The following TUSC3 variants were observed in gnomAD, a reference collection of about 807,000 sequenced individuals.
TUSC3 encodes dolichyl-diphosphooligosaccharide--protein glycosyltransferase subunit TUSC3.
Under a neutral mutation model 44.8 loss-of-function variants are expected in TUSC3, and 45 were observed. The ratio of observed to expected loss-of-function variants is 1.00; its 90% CI spans 0.79 to 1.29. TUSC3 has a LOEUF of 1.29. TUSC3 is among the 50% of genes most tolerant of loss of function. The pLI, the probability that TUSC3 is intolerant of heterozygous loss-of-function variation, is 0.00. For synonymous variants in TUSC3, 212 were observed against 152.9 expected (o/e 1.39, Z -2.85); for missense variants, 519 against 437.9 (o/e 1.19, Z -1.65).
chr8:15,702,936 G>A (rs552220048), intron 6 of TUSC3, among the ~76,000 whole-genome samples: 22 of 152,204 alleles, frequency 1.4e-4, no homozygotes, highest in African/African-American at 4.6e-4. Flanking sequence ...AATTGTTTAC[G>A]TGCATGATGC....
intron 1 of TUSC3, among the ~76,000 whole-genome samples, chr8:15,478,564 A>G (rs1475519875): frequency 1.3e-5 from 2 of 152,154 alleles, no homozygotes; most frequent in Non-Finnish European, 2.9e-5. Context: ...TGCTGAGGAC[A>G]ATGGCTTCCA....
the TUSC3 span, among the ~76,000 whole-genome samples, chr8:15,851,488 A>C: frequency 2.0e-5 from 3 of 152,334 alleles, no homozygotes; most frequent in African/African-American, 7.2e-5. Flanking sequence ...ATATAGAGAA[A>C]ACTGCAAGGT....
intron 6 of TUSC3, among the ~76,000 whole-genome samples, chr8:15,688,485 T>C (rs989404857): frequency 5.9e-5 from 9 of 151,714 alleles, no homozygotes; most frequent in African/African-American, 1.2e-4. Flanking sequence ...AGATCTGTTA[T>C]ATAGTTAAAT....
chr8:15,708,708 C>T lies in TUSC3; in HGVS notation c.799-21958C>T, dbSNP rs138733968. Among the ~76,000 whole-genome samples, 402 of 151,976 alleles carry T rather than the reference C, an allele frequency of 2.6e-3. 1 individual carries two copies. Among genetic ancestry groups the T allele is most frequent in the African/African-American group, 9.2e-3 (380 of 41,514 alleles). On this transcript the variant is annotated intron_variant, in intron 6 of 10. Transcript: ENST00000503731. Reference sequence around the variant, plus strand: ...GTCAATCAACGTTTATTTAATAATGCTTTCTGTCTAGCATTAGTCTAGATA... The same window carrying T: ...GTCAATCAACGTTTATTTAATAATGTTTTCTGTCTAGCATTAGTCTAGATA...
the TUSC3 span, among the ~76,000 whole-genome samples, chr8:15,849,994 G>C: frequency 6.8e-6 from 1 of 145,992 alleles, no homozygotes; most frequent in Non-Finnish European, 1.5e-5. Context: ...GGTAACATTT[G>C]ATACCATTCA....
chr8:15,561,434 G>T (rs1471552025), intron 1 of TUSC3, among the ~76,000 whole-genome samples: 2 of 139,060 alleles, frequency 1.4e-5, no homozygotes, highest in Non-Finnish European at 3.2e-5. Context: ...ATTTAAGTCT[G>T]CAGAGGTTAC....
At chr8:15,615,848 A>G (rs1563135261) in intron 1 of TUSC3, among the ~76,000 whole-genome samples, 1 of 152,214 alleles carries the variant, frequency 6.6e-6, no homozygotes, top group Admixed American at 6.5e-5. Context: ...GAAAAAATGA[A>G]GAGAGGCTGG....
At chr8:15,761,827 A>G (rs1051673751) in intron 10 of TUSC3, among the ~76,000 whole-genome samples, 2 of 152,266 alleles carry the variant, frequency 1.3e-5, no homozygotes, top group Non-Finnish European at 2.9e-5. Context: ...CATTTTTGTG[A>G]TAGGCATTAT....
intron 1 of TUSC3, among the ~76,000 whole-genome samples, chr8:15,608,260 C>T (rs925106206): frequency 6.6e-6 from 1 of 152,004 alleles, no homozygotes; most frequent in Non-Finnish European, 1.5e-5. Context: ...AGAGGTTCCT[C>T]TCTTTTCCAT....
intron 6 of TUSC3, among the ~76,000 whole-genome samples, chr8:15,679,500 C>G (rs11987428): frequency 0.49 from 74,308 of 151,904 alleles, 18,307 homozygotes; most frequent in Non-Finnish European, 0.52. Context: ...GATATTAGTC[C>G]TTTATCAGAT....
upstream of TUSC3, chr8:15,540,242 C>T (rs572166416): frequency 7.4e-6 from 6 of 811,956 alleles, no homozygotes; most frequent in East Asian, 1.0e-4. Flanking sequence ...GGTCTTCTCC[C>T]GGTGAACCGG....
At chr8:15,602,647 T>A (rs911887060) in intron 1 of TUSC3, among the ~76,000 whole-genome samples, 3 of 147,662 alleles carry the variant, frequency 2.0e-5, no homozygotes, top group African/African-American at 5.0e-5. Context: ...TTTGGGGTTG[T>A]GAAGATTAAA....
intron 1 of TUSC3, among the ~76,000 whole-genome samples, chr8:15,616,207 T>A (rs954854835): frequency 2.6e-5 from 4 of 152,222 alleles, no homozygotes; most frequent in Non-Finnish European, 4.4e-5. Flanking sequence ...AGGGACTAAT[T>A]TCTGTTTTAG....
At chr8:15,841,001 A>C in the TUSC3 span, among the ~76,000 whole-genome samples, 1 of 152,164 alleles carries the variant, frequency 6.6e-6, no homozygotes, top group African/African-American at 2.4e-5. Flanking sequence ...GTGTTTCAAA[A>C]TCCGTTATTA....
intron 2 of TUSC3, among the ~76,000 whole-genome samples, chr8:15,647,173 A>T (rs150498327): frequency 0.018 from 2,704 of 152,262 alleles, 37 homozygotes; most frequent in Middle Eastern, 0.034. Context: ...TTAGAAAGTT[A>T]AAAGGGAATA....
At chr8:15,739,111 G>A (rs1164504178) in intron 7 of TUSC3, among the ~76,000 whole-genome samples, 5 of 151,908 alleles carry the variant, frequency 3.3e-5, no homozygotes, top group Admixed American at 6.6e-5. Context: ...GATTACAGGC[G>A]TGAGCCACTG....
At chr8:15,612,977 C>T (rs150970272) in intron 1 of TUSC3, among the ~76,000 whole-genome samples, 1 of 151,412 alleles carries the variant, frequency 6.6e-6, no homozygotes, top group African/African-American at 2.4e-5. Flanking sequence ...ATATTCTTTA[C>T]CATCCCTTCC....
intron 1 of TUSC3, among the ~76,000 whole-genome samples, chr8:15,417,593 T>C (rs1258471491): frequency 6.6e-6 from 1 of 152,212 alleles, no homozygotes; most frequent in African/African-American, 2.4e-5. Flanking sequence ...ATTTAAACGC[T>C]TACTCTAGGG....
chr8:15,815,673 T>C, the TUSC3 span, among the ~76,000 whole-genome samples: 2 of 152,166 alleles, frequency 1.3e-5, no homozygotes, highest in Non-Finnish European at 2.9e-5. Context: ...GACTTTCTAA[T>C]GTTCAGCAAT....
Sources: gnomAD v4.1 joint callset for allele counts (sites outside exome capture counted in the v4.1 genomes callset) on GRCh38, gnomAD v4.1.1 for gene constraint, MANE v1.5 for transcripts, NCBI Gene and HGNC (gene_info 2026-07-23, HGNC 2026-07-21) for gene names.